Variants in ZMYM2 observed in about 807,000 individuals in gnomAD.
ZMYM2 encodes zinc finger MYM-type containing 2.
ZMYM2 carries 56 observed loss-of-function variants against 162.8 expected under a neutral mutation model. The ratio of observed to expected loss-of-function variants is 0.34; its 90% CI spans 0.28 to 0.43. The LOEUF (loss-of-function observed/expected upper bound fraction) is 0.43. Among genes scored for constraint, ZMYM2 ranks in the 20% least tolerant of loss-of-function variants. The pLI is 1.00. For missense variants in ZMYM2, 1,275 were observed against 1,621.8 expected, an observed-to-expected ratio of 0.79 and a Z score of 3.67; for synonymous variants, 510 against 541.6, an observed-to-expected ratio of 0.94 and a Z score of 0.81.
the ZMYM2 span, among the ~76,000 whole-genome samples, chr13:19,904,676 T>C: frequency 6.6e-6 from 1 of 152,338 alleles, no homozygotes; most frequent in East Asian, 1.9e-4. Flanking sequence ...ATGAGCATTG[T>C]CAACATTTTG....
rs1290423447 is a variant in ZMYM2 at position 19,959,392 on chromosome 13, C to T, written c.-80+551C>T. ...GCTCCGCCGGGTCCCCTCCTTCGCT[C>T]TTCTTTTCCTCGGCGCTGCGCTGCG... is the stretch of plus-strand genomic sequence containing the variant. On this transcript the variant is annotated intron_variant, in intron 1 of 24. Coordinates refer to ENST00000610343, the MANE Select transcript of ZMYM2 (RefSeq NM_197968.4). Among the ~76,000 whole-genome samples, 7 of 152,064 alleles carry T rather than the reference C, an allele frequency of 4.6e-5. No homozygotes were observed. The South Asian group carries it at 1.0e-3, about 22-fold the overall frequency.
the ZMYM2 span, among the ~76,000 whole-genome samples, chr13:19,950,501 G>A: frequency 1.3e-5 from 2 of 152,106 alleles, no homozygotes; most frequent in Non-Finnish European, 2.9e-5. Context: ...AGTCATAGGC[G>A]GCCAGCTCTT....
At chr13:19,963,194 A>G (rs1955438887) in intron 2 of ZMYM2, among the ~76,000 whole-genome samples, 1 of 152,188 alleles carries the variant, frequency 6.6e-6, no homozygotes, top group African/African-American at 2.4e-5. Context: ...GTTTTCTCTC[A>G]TTGGATTCAC....
the ZMYM2 span, among the ~76,000 whole-genome samples, chr13:19,928,119 C>T: frequency 6.6e-6 from 1 of 152,152 alleles, no homozygotes; most frequent in African/African-American, 2.4e-5. Context: ...CATCCTCCCA[C>T]CTCAGCTTCT....
rs573398506 is a variant in ZMYM2 at position 20,066,861 on chromosome 13, G to A, written c.3143G>A (p.Arg1048Lys). Residue 1048 changes from arginine (R) to lysine (K), a missense_variant, in exon 20 of 25, where the codon AGA (arginine) becomes AAA (lysine). Physicochemically the swap from Arg to Lys is conservative, Grantham distance 26. Coordinates refer to ENST00000610343, the MANE Select transcript of ZMYM2 (RefSeq NM_197968.4). ...RPRSKKKGAK[R>K]KAVSGYQSHD... is the part of the protein sequence containing the mutation. ...GTTTTTTACTAATAGGGAGCCAAGA[G>A]AAAGGCTGTATCAGGATACCAGTCT... 2 of 1,592,696 alleles carry A rather than the reference G, an allele frequency of 1.3e-6. No homozygotes were observed. Among genetic ancestry groups the A allele is most frequent in the Non-Finnish European group, 1.7e-6 (2 of 1,172,208 alleles).
the ZMYM2 span, among the ~76,000 whole-genome samples, chr13:19,908,855 G>A: frequency 6.6e-6 from 1 of 152,162 alleles, no homozygotes; most frequent in Non-Finnish European, 1.5e-5. Context: ...ACTACCCAGA[G>A]AGAATGTCAG....
chr13:19,899,019 C>A, the ZMYM2 span, among the ~76,000 whole-genome samples: 4 of 149,862 alleles, frequency 2.7e-5, no homozygotes, highest in Non-Finnish European at 3.0e-5. Context: ...CTCGCTTGAT[C>A]TCAGCTCACT....
At chr13:20,061,986 C>T (rs259789) in intron 17 of ZMYM2, among the ~76,000 whole-genome samples, 15,423 of 152,196 alleles carry the variant, frequency 0.1, 1,289 homozygotes, top group African/African-American at 0.22. Flanking sequence ...CATGGTATAA[C>T]GTGATGAGTG....
chr13:19,945,164 C>A, the ZMYM2 span, among the ~76,000 whole-genome samples: 1 of 152,056 alleles, frequency 6.6e-6, no homozygotes, highest in African/African-American at 2.4e-5. Context: ...TTATATTCAA[C>A]TATTTTTCCA....
chr13:19,923,573 G>A, the ZMYM2 span, among the ~76,000 whole-genome samples: 2 of 149,088 alleles, frequency 1.3e-5, no homozygotes, highest in South Asian at 4.2e-4. Flanking sequence ...CACCCAGCCT[G>A]GTCTCAAATT....
chr13:20,006,347 G>A, intron 5 of ZMYM2, 27 bp from the exon 6 acceptor site: 6 of 1,542,118 alleles, frequency 3.9e-6, no homozygotes, highest in Non-Finnish European at 5.3e-6. Context: ...GATCTGTTTT[G>A]TAAGATTTTG....
intron 14 of ZMYM2, among the ~76,000 whole-genome samples, chr13:20,054,723 T>A (rs550922176): frequency 1.4e-4 from 22 of 152,242 alleles, no homozygotes; most frequent in Non-Finnish European, 2.4e-4. Context: ...AAGTAGTATT[T>A]GCAGAATGGC....
rs142646334 is a variant in ZMYM2, at chr13:20,014,410, G to T, written c.1513-5137G>T. 3.0e-4 allele frequency among the ~76,000 whole-genome samples: 46 copies of T among 152,240 alleles called. No individual in the cohort carries two copies. The East Asian group carries it at 7.5e-3, about 25-fold the overall frequency. On this transcript the variant is annotated intron_variant, in intron 6 of 24. Transcript: ENST00000610343. ...TGACTGAGTCTATTGTTACAGGTCT[G>T]TTCACGTTTTCTATGTCTTCTTGTG...
chr13:19,913,133 G>C, the ZMYM2 span, among the ~76,000 whole-genome samples: 1 of 152,134 alleles, frequency 6.6e-6, no homozygotes, highest in South Asian at 2.1e-4. Flanking sequence ...GATGTTATCT[G>C]GAGCCTTTGG....
At chr13:19,916,309 C>T in the ZMYM2 span, among the ~76,000 whole-genome samples, 6 of 152,108 alleles carry the variant, frequency 3.9e-5, no homozygotes, top group Admixed American at 3.9e-4. Flanking sequence ...TGTGGCGATT[C>T]CTCAAGGATC....
chr13:19,962,860 C>T (rs1490748863), intron 2 of ZMYM2, among the ~76,000 whole-genome samples: 3 of 119,502 alleles, frequency 2.5e-5, no homozygotes, highest in African/African-American at 9.2e-5. Context: ...GAGTCTCTGT[C>T]ATCCAGGCTG....
the ZMYM2 span, among the ~76,000 whole-genome samples, chr13:19,916,994 G>T: frequency 1.3e-5 from 2 of 152,066 alleles, no homozygotes; most frequent in East Asian, 1.9e-4. Context: ...ACGGAGTCTC[G>T]CTCTGTCGCC....
chr13:19,959,906 C>T (rs1056902510), intron 1 of ZMYM2, 52 bp from the exon 2 acceptor site: 2 of 152,322 alleles, frequency 1.3e-5, no homozygotes, highest in Non-Finnish European at 2.9e-5. Flanking sequence ...GTTGGGTTCT[C>T]CCACCAGGTT....
the ZMYM2 span, among the ~76,000 whole-genome samples, chr13:19,948,765 G>A: frequency 6.6e-6 from 1 of 152,182 alleles, no homozygotes; most frequent in South Asian, 2.1e-4. Flanking sequence ...TAGTGGGGAA[G>A]GCTATGCAGG....
Sources: allele counts gnomAD v4.1 joint callset (sites outside exome capture counted in the v4.1 genomes callset), GRCh38; gene constraint gnomAD v4.1.1; transcripts MANE v1.5; gene names NCBI Gene and HGNC (gene_info 2026-07-23, HGNC 2026-07-21).